GOLM2: variants seen among roughly 807,000 people sequenced by gnomAD.
GOLM2 encodes golgi membrane protein 2.
GOLM2 carries 26 observed loss-of-function variants against 55.9 expected under a neutral mutation model. The ratio of observed to expected loss-of-function variants is 0.47; its 90% CI spans 0.34 to 0.65. The LOEUF is 0.65. GOLM2 is among the 30% of genes least tolerant of loss of function. The pLI, the probability that GOLM2 is intolerant of heterozygous loss-of-function variation, is 0.01. For synonymous variants in GOLM2, 165 were observed against 194.6 expected, an observed-to-expected ratio of 0.85 and a Z score of 1.27; for missense variants, 486 against 531.8, an observed-to-expected ratio of 0.91 and a Z score of 0.85.
chr15:44,332,892 A>G (rs1019541591), intron 4 of GOLM2, among the ~76,000 whole-genome samples: 2 of 152,098 alleles, frequency 1.3e-5, no homozygotes, highest in Non-Finnish European at 2.9e-5. Context: ...TTTTAGCAAT[A>G]GAGGAAATTG....
chr15:44,298,404 TAGGC>T (rs1198486912), intron 1 of GOLM2, among the ~76,000 whole-genome samples: 1 of 151,062 alleles, frequency 6.6e-6, no homozygotes, highest in Non-Finnish European at 1.5e-5. Context: ...GCTGGGATTA[TAGGC>T]ACCCACCACC....
intron 1 of GOLM2, among the ~76,000 whole-genome samples, chr15:44,305,862 G>C (rs1224455188): frequency 6.6e-6 from 1 of 152,150 alleles, no homozygotes; most frequent in South Asian, 2.1e-4. Flanking sequence ...CTAGTATTTT[G>C]AAAGGAATCT....
chr15:44,353,978 A>G (rs1457977066), intron 6 of GOLM2, among the ~76,000 whole-genome samples: 1 of 152,138 alleles, frequency 6.6e-6, no homozygotes, highest in Non-Finnish European at 1.5e-5. Flanking sequence ...TGGATGCCCC[A>G]TTTACCCTGG....
chr15:44,337,827 C>T lies in GOLM2; in HGVS notation c.641C>T (p.Pro214Leu), dbSNP rs752488453. 1.7e-5 allele frequency: 27 copies of T among 1,603,740 alleles called. No individual in the cohort carries two copies. Among genetic ancestry groups the T allele is most frequent in the Non-Finnish European group, 2.3e-5 (27 of 1,177,036 alleles). Reference sequence around the variant, plus strand: ...TTGGATATAAACAATCAAGTAGTACCTAAAAATATTCCAAAAGTAGCTGAG... The same window carrying T: ...TTGGATATAAACAATCAAGTAGTACTTAAAAATATTCCAAAAGTAGCTGAG... ...KELDINNQVV[P>L]KNIPKVAENV... The change falls in exon 5 of 10, where the codon CCT becomes CTT. Residue 214 changes from proline to leucine, a missense_variant. Pro to Leu is a moderately conservative substitution (Grantham distance 98). Coordinates refer to ENST00000299957, the MANE Select transcript of GOLM2 (RefSeq NM_138423.4).
chr15:44,397,960 G>A (rs1347293109), intron 8 of GOLM2, among the ~76,000 whole-genome samples: 1 of 152,140 alleles, frequency 6.6e-6, no homozygotes, highest in Non-Finnish European at 1.5e-5. Flanking sequence ...ATTTTCAAAT[G>A]TATCTGATTC....
chr15:44,335,808 T>A (rs953124096), intron 4 of GOLM2, among the ~76,000 whole-genome samples: 1 of 149,884 alleles, frequency 6.7e-6, no homozygotes, highest in African/African-American at 2.5e-5. Context: ...TTGGACAAAC[T>A]GCTTTTTTTT....
In GOLM2 at chr15:44,288,740, G is replaced by A. The variant is rs2078697116; in HGVS notation, c.-290G>A. On this transcript the variant is annotated 5_prime_UTR_variant, in exon 1 of 10. Transcript: ENST00000299957. ...TTTCCCCGCCTCCCAACCGTGAGGT[G>A]TTGGGTTTGGGGGACGCTGGCAGCT... The A allele has an allele frequency of 4.4e-6, 2 of 451,864 alleles. No individual in the cohort carries two copies. Among genetic ancestry groups the A allele is most frequent in the Non-Finnish European group, 7.9e-6 (2 of 254,384 alleles). The allele number at this position is 451,864 out of a possible 1,614,324, so 28.0% of individuals were successfully genotyped here.
At chr15:44,303,153 A>C (rs1220209976) in intron 1 of GOLM2, among the ~76,000 whole-genome samples, 1 of 152,044 alleles carries the variant, frequency 6.6e-6, no homozygotes, top group African/African-American at 2.4e-5. Flanking sequence ...GTCTAAATCT[A>C]GTATAAATCT....
intron 3 of GOLM2, 77 bp downstream of exon 3, chr15:44,328,864 C>A: frequency 1.1e-6 from 1 of 951,568 alleles, no homozygotes; most frequent in Non-Finnish European, 1.5e-6. Flanking sequence ...ATTTCTTTCT[C>A]TCTGACTTTT....
intron 8 of GOLM2, among the ~76,000 whole-genome samples, chr15:44,396,120 C>T (rs750539399): frequency 4.6e-5 from 7 of 151,960 alleles, no homozygotes; most frequent in South Asian, 2.1e-4. Flanking sequence ...TTTGGGAGGC[C>T]GAGGTGGGCA....
intron 8 of GOLM2, among the ~76,000 whole-genome samples, chr15:44,381,747 C>T (rs1036936029): frequency 5.9e-5 from 9 of 152,104 alleles, no homozygotes; most frequent in Non-Finnish European, 1.2e-4. Context: ...ACAAAGATTG[C>T]GTGTAAGCTA....
chr15:44,295,072 A>T (rs2078747176), intron 1 of GOLM2, among the ~76,000 whole-genome samples: 1 of 151,216 alleles, frequency 6.6e-6, no homozygotes, highest in African/African-American at 2.4e-5. Flanking sequence ...TACTAAACAC[A>T]TAAATTCCTT....
intron 6 of GOLM2, among the ~76,000 whole-genome samples, chr15:44,352,106 T>A (rs2079168739): frequency 6.6e-6 from 1 of 152,054 alleles, no homozygotes; most frequent in African/African-American, 2.4e-5. Context: ...AGGCCTAGAA[T>A]AGCCAAAGCT....
intron 1 of GOLM2, among the ~76,000 whole-genome samples, chr15:44,319,966 T>C (rs2078938250): frequency 6.6e-6 from 1 of 152,218 alleles, no homozygotes; most frequent in Non-Finnish European, 1.5e-5. Flanking sequence ...AGTGTACAAT[T>C]TAGTGCATTT....
intron 1 of GOLM2, among the ~76,000 whole-genome samples, chr15:44,310,133 C>T (rs1307740119): frequency 6.6e-6 from 1 of 152,078 alleles, no homozygotes; most frequent in East Asian, 1.9e-4. Context: ...ATCTGCTTGC[C>T]GTGGCCTCCC....
At chr15:44,304,532 G>T (rs770830081) in intron 1 of GOLM2, among the ~76,000 whole-genome samples, 2 of 151,944 alleles carry the variant, frequency 1.3e-5, no homozygotes, top group Admixed American at 6.6e-5. Flanking sequence ...ATAAGCCATC[G>T]CTCCCAGCCC....
chr15:44,357,947 T>C (rs1469177792), intron 6 of GOLM2, among the ~76,000 whole-genome samples: 5 of 152,210 alleles, frequency 3.3e-5, no homozygotes, highest in Non-Finnish European at 7.3e-5. Context: ...ATAGGAAGAC[T>C]CAGTATTGTC....
rs1050134582 is a variant in GOLM2, at chr15:44,415,495, T to A, written c.*2089T>A. ...ATTTCTTCAATTAGCAGTCTAGACA[T>A]TTTATAAACAGAAATCTTGGACCAA... On this transcript the variant is annotated 3_prime_UTR_variant, in exon 10 of 10. Coordinates refer to ENST00000299957, the MANE Select transcript of GOLM2 (RefSeq NM_138423.4). 5 of 152,616 alleles carry A rather than the reference T, an allele frequency of 3.3e-5. No homozygotes were observed. The highest frequency in any genetic ancestry group is 1.2e-4 in the African/African-American group (5 of 41,462). 9.5% of individuals were successfully genotyped at this position (152,616 alleles called of 1,614,324 possible). A position where few individuals can be genotyped will look rare whatever the true frequency, so the allele number is the denominator to read the frequency against.
chr15:44,345,695 C>T (rs1326736652), intron 6 of GOLM2, among the ~76,000 whole-genome samples: 1 of 152,054 alleles, frequency 6.6e-6, no homozygotes, highest in African/African-American at 2.4e-5. Context: ...CAATCAGTCC[C>T]AGTAAAAATG....
Sources: allele counts gnomAD v4.1 joint callset (sites outside exome capture counted in the v4.1 genomes callset), GRCh38; gene constraint gnomAD v4.1.1; transcripts MANE v1.5; gene names NCBI Gene and HGNC (gene_info 2026-07-23, HGNC 2026-07-21).